The following JMJD4 variants were observed in gnomAD, a reference collection of about 807,000 sequenced individuals.
JMJD4 encodes the protein 2-oxoglutarate and iron-dependent oxygenase JMJD4.
In JMJD4, 34 loss-of-function variants were observed where a neutral mutation model predicts 36.3. The ratio of observed to expected loss-of-function variants is 0.94; its 90% CI spans 0.71 to 1.25. The LOEUF (loss-of-function observed/expected upper bound fraction) is 1.25, where lower values mean the gene tolerates loss of function less well. Ranked by LOEUF, JMJD4 falls within the 50% of genes most tolerant of loss-of-function variation. JMJD4 has a pLI of 0.00. For missense variants in JMJD4, 584 were observed against 559.1 expected (o/e 1.04, Z -0.45); for synonymous variants, 269 against 235.3 (o/e 1.14, Z -1.31).
Position 227,731,261 on chromosome 1 carries a change from T to C in JMJD4, c.*1131A>G, listed in dbSNP as rs990589598. ...TGTGTAAAGCTGCCTTTGCAAGCAC[T>C]TCACATGATTCACTGAACAGAGCAG... On this transcript the variant is annotated 3_prime_UTR_variant, in exon 6 of 6. Transcript: ENST00000620518. The C allele has an allele frequency of 2.0e-5, 3 of 152,290 alleles. No individual in the cohort carries two copies. Among genetic ancestry groups the C allele is most frequent in the African/African-American group, 7.2e-5 (3 of 41,476 alleles). The allele number at this position is 152,290 out of a possible 1,614,324, so 9.4% of individuals were successfully genotyped here.
At position 227,732,116 on chromosome 1, in the gene JMJD4, G is replaced by A. The variant is rs1660688219; in HGVS notation, c.*276C>T. On this transcript the variant is annotated 3_prime_UTR_variant, in exon 6 of 6. Transcript: ENST00000620518. Reference sequence around the variant, plus strand: ...TGTCAGCTCAGGCGTCCTGGCCTAAGGAGGCAGGGCCCCCAAAAGAGCCAG... The same window carrying A: ...TGTCAGCTCAGGCGTCCTGGCCTAAAGAGGCAGGGCCCCCAAAAGAGCCAG... The A allele has an allele frequency of 3.6e-6, 2 of 548,096 alleles. No homozygotes were observed. Among genetic ancestry groups the A allele is most frequent in the South Asian group, 2.2e-5 (1 of 46,126 alleles). 34.0% of individuals were successfully genotyped at this position (548,096 alleles called of 1,614,324 possible).
chr1:227,732,656 C>T lies in JMJD4; in HGVS notation c.990G>A (p.Ser330=), dbSNP rs4837. The T allele has an allele frequency of 0.1, 168,813 of 1,612,834 alleles. 9,122 individuals are homozygous for T. Among genetic ancestry groups the T allele is most frequent in the Middle Eastern group, 0.17 (1,013 of 6,062 alleles). The change falls in exon 6 of 6, where the codon TCG becomes TCA. Residue 330 remains serine, a synonymous_variant. Transcript: ENST00000620518. ...HHCQVIMRSC[S]GINFEEFYHF... ...GGTAAAACTCTTCAAAGTTGATGCC[C>T]GAGCAGGACCTCATGATGACCTGGG...
Position 227,735,115 on chromosome 1 carries a change from C to T in JMJD4, c.159G>A (p.Leu53=), listed in dbSNP as rs1225328214. The T allele has an allele frequency of 2.7e-5, 43 of 1,577,238 alleles. No homozygotes were observed. The highest frequency in any genetic ancestry group is 3.7e-5 in the Non-Finnish European group (43 of 1,162,580). ...DFVRGFLLPN[L]PCVFSSAFTQ... Reference sequence around the variant, plus strand: ...TGAAGGCGCTGGAAAACACGCAGGGCAGGTTGGGCAGCAAGAAGCCCCGCA... The same window carrying T: ...TGAAGGCGCTGGAAAACACGCAGGGTAGGTTGGGCAGCAAGAAGCCCCGCA... The change falls in exon 1 of 6, where the codon CTG becomes CTA. Residue 53 remains leucine, a synonymous_variant. Coordinates refer to ENST00000620518, the MANE Select transcript of JMJD4 (RefSeq NM_023007.3).
chr1:227,734,461 A>G (rs546563473), intron 2 of JMJD4, 190 bp downstream of exon 2: 111 of 525,710 alleles, frequency 2.1e-4, no homozygotes, highest in African/African-American at 1.9e-3. Context: ...AAAAAAAACC[A>G]TATTGACCTC....
chr1:227,734,107 C>A (rs1660882172), intron 2 of JMJD4, 75 bp from the exon 3 acceptor site: 3 of 1,528,634 alleles, frequency 2.0e-6, no homozygotes, highest in Non-Finnish European at 2.6e-6. Context: ...AGTGGGGCAA[C>A]TGAGACCAAT....
At chr1:227,734,949 C>G (rs1660975814) in intron 1 of JMJD4, 63 bp downstream of exon 1, 1 of 1,495,052 alleles carries the variant, frequency 6.7e-7, no homozygotes, top group East Asian at 2.4e-5. Flanking sequence ...TAGGCGGGGG[C>G]CTCCCGGGCC....
chr1:227,732,159 G>A lies in JMJD4; in HGVS notation c.*233C>T, dbSNP rs1660692126. 1.0e-5 allele frequency: 6 copies of A among 590,858 alleles called. No individual in the cohort carries two copies. The highest frequency in any genetic ancestry group is 4.2e-5 in the South Asian group (2 of 47,910). 36.6% of individuals were successfully genotyped at this position (590,858 alleles called of 1,614,324 possible). On this transcript the variant is annotated 3_prime_UTR_variant, in exon 6 of 6. Transcript: ENST00000620518. The stretch of plus-strand genomic sequence containing the variant: ...AGAGCCAGGTCCTGGCACCATCTCC[G>A]AGCTCCCAGCAGGCCTGCTGCAGGT...
Position 227,732,192 on chromosome 1 carries a change from G to T in JMJD4, c.*200C>A. 1 of 630,094 alleles carries T rather than the reference G, an allele frequency of 1.6e-6. No homozygotes were observed. Among genetic ancestry groups the T allele is most frequent in the South Asian group, 2.0e-5 (1 of 50,638 alleles). 39.0% of individuals were successfully genotyped at this position (630,094 alleles called of 1,614,324 possible). On this transcript the variant is annotated 3_prime_UTR_variant, in exon 6 of 6. Transcript: ENST00000620518. ...AGCAGGCCTGCTGCAGGTCAGAAGG[G>T]CCACATCCCATCTTGGGTCCCTGAC... is the stretch of plus-strand genomic sequence containing the variant.
rs141021924 is a variant in JMJD4 at position 227,733,528 on chromosome 1, G to C, written c.708C>G (p.Cys236Trp). ...LPYDVTSPAL[C>W]DTHLHPRNQL... ...GGTTCCGTGGGTGCAGGTGTGTGTC[G>C]CAGAGTGCTGGGGAGGTCACGTCGT... Residue 236 changes from cysteine (C) to tryptophan (W), a missense_variant, in exon 4 of 6, where the codon TGC becomes TGG. By Grantham distance (215) the Cys-to-Trp change is radical (BLOSUM62 -2). Coordinates refer to ENST00000620518, the MANE Select transcript of JMJD4 (RefSeq NM_023007.3). The C allele has an allele frequency of 6.2e-7, 1 of 1,602,866 alleles. No individual in the cohort carries two copies. The highest frequency in any genetic ancestry group is 1.7e-5 in the Admixed American group (1 of 57,910).
intron 4 of JMJD4, 166 bp from the exon 5 acceptor site, chr1:227,733,193 C>T (rs371183453): frequency 2.8e-5 from 25 of 894,348 alleles, no homozygotes; most frequent in Admixed American, 1.6e-4. Flanking sequence ...GTGGCGGGCT[C>T]GGACCACCTC....
rs1373968155 is a variant in JMJD4, at chr1:227,732,363, C to G, written c.*29G>C. On this transcript the variant is annotated 3_prime_UTR_variant, in exon 6 of 6. Coordinates refer to ENST00000620518, the MANE Select transcript of JMJD4 (RefSeq NM_023007.3). ...CCGGAGCAGGAGGCTGCCTCTCTTC[C>G]ACCCGTCCTTCTATCCTCACGACAG... is the stretch of plus-strand genomic sequence containing the variant. 3 of 1,603,826 alleles carry G rather than the reference C, an allele frequency of 1.9e-6. No homozygotes were observed. Among genetic ancestry groups the G allele is most frequent in the African/African-American group, 2.7e-5 (2 of 74,696 alleles).
intron 1 of JMJD4, 49 bp from the exon 2 acceptor site, chr1:227,734,865 C>G: frequency 6.2e-7 from 1 of 1,607,940 alleles, no homozygotes; most frequent in Non-Finnish European, 8.5e-7. Context: ...CCCGTCCTCA[C>G]TCCAAACCGT....
Position 227,732,146 on chromosome 1 carries a change from TG to T in JMJD4, c.*245del. On this transcript the variant is annotated 3_prime_UTR_variant, in exon 6 of 6. Transcript: ENST00000620518. ...CAGGGCCCCCAAAAGAGCCAGGTCC[TG>T]GCACCATCTCCGAGCTCCCAGCAGG... is the stretch of plus-strand genomic sequence containing the variant. The T allele has an allele frequency of 1.7e-6, 1 of 581,586 alleles. No individual in the cohort carries two copies. The highest frequency in any genetic ancestry group is 3.1e-6 in the Non-Finnish European group (1 of 326,282). 36.0% of individuals were successfully genotyped at this position (581,586 alleles called of 1,614,324 possible). A position where few individuals can be genotyped will look rare whatever the true frequency, so the allele number is the denominator to read the frequency against.
At chr1:227,734,897 G>A (rs1660969110) in intron 1 of JMJD4, 81 bp from the exon 2 acceptor site, 2 of 1,571,066 alleles carry the variant, frequency 1.3e-6, no homozygotes, top group African/African-American at 1.4e-5. Flanking sequence ...CTCTCCAGGG[G>A]CCACGCGCCT....
At chr1:227,734,953 C>G in intron 1 of JMJD4, 59 bp downstream of exon 1, 1 of 1,501,004 alleles carries the variant, frequency 6.7e-7, no homozygotes, top group Non-Finnish European at 8.9e-7. Flanking sequence ...CGGGGGCCTC[C>G]CGGGCCTGGG....
In JMJD4 at chr1:227,732,467, G is replaced by C; in HGVS notation, c.1179C>G (p.Thr393=). The C allele has an allele frequency of 6.2e-7, 1 of 1,613,320 alleles. No individual in the cohort carries two copies. The highest frequency in any genetic ancestry group is 8.5e-7 in the Non-Finnish European group (1 of 1,180,028). ...CTTTGGGCTGTGGTGAGAACGCGCT[G>C]GTGTCCACTCTCTGGAAGTCGGGGT... ...VAHPDFQRVD[T]SAFSPQPKEL... is the part of the protein sequence containing the mutation. The change falls in exon 6 of 6, where the codon ACC becomes ACG. Residue 393 remains threonine, a synonymous_variant. Coordinates refer to ENST00000620518, the MANE Select transcript of JMJD4 (RefSeq NM_023007.3).
chr1:227,732,327 C>A lies in JMJD4; in HGVS notation c.*65G>T. On this transcript the variant is annotated 3_prime_UTR_variant, in exon 6 of 6. Coordinates refer to ENST00000620518, the MANE Select transcript of JMJD4 (RefSeq NM_023007.3). ...GTCACAGGGAGGGCGGTCTTTATTTCTGGAAGGGCCCCGGAGCAGGAGGCT... is the reference window on the plus strand; with the variant it reads ...GTCACAGGGAGGGCGGTCTTTATTTATGGAAGGGCCCCGGAGCAGGAGGCT... 1 of 1,573,856 alleles carries A rather than the reference C, an allele frequency of 6.4e-7. No homozygotes were observed. Among genetic ancestry groups the A allele is most frequent in the Admixed American group, 1.7e-5 (1 of 58,766 alleles).
At position 227,734,641 on chromosome 1, in the gene JMJD4, G is replaced by A; in HGVS notation, c.428+10C>T. On this transcript the variant is annotated intron_variant, in intron 2 of 5. Transcript: ENST00000620518. ...AAGGCAGCGCCTCGGTGCGTCCCAAGCCCCATTACCTGCACAAGTGCCAGT... is the reference window on the plus strand; with the variant it reads ...AAGGCAGCGCCTCGGTGCGTCCCAAACCCCATTACCTGCACAAGTGCCAGT... 1 of 1,613,578 alleles carries A rather than the reference G, an allele frequency of 6.2e-7. No homozygotes were observed. The highest frequency in any genetic ancestry group is 1.7e-5 in the Admixed American group (1 of 60,032).
intron 4 of JMJD4, 67 bp downstream of exon 4, chr1:227,733,347 G>A: frequency 6.7e-7 from 1 of 1,490,440 alleles, no homozygotes. Flanking sequence ...TGGGAGAGTG[G>A]GGAGGTGGTG....
Sources: allele counts gnomAD v4.1 joint callset, GRCh38; gene constraint gnomAD v4.1.1; transcripts MANE v1.5; gene names NCBI Gene and HGNC (gene_info 2026-07-23, HGNC 2026-07-21).